ATP6V1C2: variants seen among roughly 807,000 people sequenced by gnomAD.
ATP6V1C2 encodes V-type proton ATPase subunit C 2.
Under a neutral mutation model 56.8 loss-of-function variants are expected in ATP6V1C2, and 45 were observed. That is an observed-to-expected ratio of 0.79 (90% confidence interval 0.62 to 1.02). The LOEUF is 1.02. ATP6V1C2 is among the 50% of genes least tolerant of loss of function. The probability of loss-of-function intolerance (pLI) is 0.00; values close to 1 mark genes in which losing one functional copy is unlikely to be tolerated. For synonymous variants in ATP6V1C2, 220 were observed against 201.3 expected (o/e 1.09, Z -0.79); for missense variants, 463 against 519.7 (o/e 0.89, Z 1.06).
chr2:10,730,233 A>C (rs1056221693), intron 3 of ATP6V1C2, among the ~76,000 whole-genome samples: 1 of 152,084 alleles, frequency 6.6e-6, no homozygotes, highest in Non-Finnish European at 1.5e-5. Context: ...CTCCTGCTTC[A>C]GTCTTCCAAG....
chr2:10,758,383 T>C (rs1663676833), intron 4 of ATP6V1C2, among the ~76,000 whole-genome samples: 1 of 152,196 alleles, frequency 6.6e-6, no homozygotes. Context: ...CTTCATTTGT[T>C]GAACGGGCTT....
chr2:10,783,084 C>G (rs1398869516), intron 13 of ATP6V1C2, 90 bp from the exon 14 acceptor site: 1 of 957,926 alleles, frequency 1.0e-6, no homozygotes, highest in Non-Finnish European at 1.7e-6. Flanking sequence ...AGAACGTACG[C>G]TCAGTGCCTG....
intron 3 of ATP6V1C2, among the ~76,000 whole-genome samples, chr2:10,742,173 G>A (rs1238501882): frequency 6.6e-6 from 1 of 152,174 alleles, no homozygotes; most frequent in Non-Finnish European, 1.5e-5. Flanking sequence ...GCCTCCCAAA[G>A]TGCTGGGATT....
chr2:10,746,709 C>T (rs912295871), intron 3 of ATP6V1C2, among the ~76,000 whole-genome samples: 4 of 152,080 alleles, frequency 2.6e-5, no homozygotes, highest in South Asian at 2.1e-4. Flanking sequence ...CCCGCCCAAC[C>T]GTAGTTTCTT....
At chr2:10,737,692 T>G (rs1372799494) in intron 3 of ATP6V1C2, among the ~76,000 whole-genome samples, 2 of 151,894 alleles carry the variant, frequency 1.3e-5, no homozygotes, top group Admixed American at 1.3e-4. Context: ...TGTGACAGTT[T>G]GTTTGTTTGT....
Position 10,783,972 on chromosome 2 carries a change from G to A in ATP6V1C2, c.*709G>A, listed in dbSNP as rs1665563673. 1 of 254,348 alleles carries A rather than the reference G, an allele frequency of 3.9e-6. No homozygotes were observed. 15.8% of individuals were successfully genotyped at this position (254,348 alleles called of 1,614,324 possible). A position where few individuals can be genotyped will look rare whatever the true frequency, so the allele number is the denominator to read the frequency against. Reference sequence around the variant, plus strand: ...AGAAACAGCCTCCAAGAACATTCAAGCAGCAGTCAGAGAGAAAAATGTTTC... The same window carrying A: ...AGAAACAGCCTCCAAGAACATTCAAACAGCAGTCAGAGAGAAAAATGTTTC... On this transcript the variant is annotated 3_prime_UTR_variant, in exon 14 of 14. Coordinates refer to ENST00000272238, the MANE Select transcript of ATP6V1C2 (RefSeq NM_001039362.2).
intron 3 of ATP6V1C2, among the ~76,000 whole-genome samples, chr2:10,742,808 A>G (rs993666594): frequency 1.3e-5 from 2 of 152,150 alleles, no homozygotes; most frequent in Non-Finnish European, 2.9e-5. Flanking sequence ...AAAGGAAGGA[A>G]AGGGCACGTT....
At chr2:10,759,501 C>T (rs147681879) in intron 4 of ATP6V1C2, among the ~76,000 whole-genome samples, 119 of 152,270 alleles carry the variant, frequency 7.8e-4, no homozygotes, top group African/African-American at 2.7e-3. Context: ...AGTTGCCAGC[C>T]TGTGCACAGC....
intron 10 of ATP6V1C2, among the ~76,000 whole-genome samples, chr2:10,777,165 C>G (rs1273774841): frequency 2.6e-5 from 4 of 152,202 alleles, no homozygotes; most frequent in African/African-American, 9.6e-5. Flanking sequence ...CTCTGCATGC[C>G]GAGGTGCCCC....
Position 10,764,976 on chromosome 2 carries a change from CAA to C in ATP6V1C2, c.378+563_378+564del, listed in dbSNP as rs60445006. Among the ~76,000 whole-genome samples the C allele has an allele frequency of 5.3e-3, 779 of 145,616 alleles. 2 individuals are homozygous for C. Among genetic ancestry groups the C allele is most frequent in the Admixed American group, 0.011 (164 of 14,664 alleles). Reference sequence around the variant, plus strand: ...ACAGAATGAGGTTCCGTCCCCCCACCAAAAAAAAAAAAAGTTACTGATGGTGA... The same window carrying C: ...ACAGAATGAGGTTCCGTCCCCCCACCAAAAAAAAAAAGTTACTGATGGTGA... On this transcript the variant is annotated intron_variant, in intron 5 of 13. Transcript: ENST00000272238.
chr2:10,740,822 G>A (rs1283064027), intron 3 of ATP6V1C2, among the ~76,000 whole-genome samples: 1 of 152,180 alleles, frequency 6.6e-6, no homozygotes, highest in South Asian at 2.1e-4. Context: ...AAGTAGCTGG[G>A]ATTATAGATG....
chr2:10,784,970 G>A lies in ATP6V1C2; in HGVS notation c.*1707G>A, dbSNP rs541210055. On this transcript the variant is annotated 3_prime_UTR_variant, in exon 14 of 14. Transcript: ENST00000272238. ...TGCCGTCCCAAGGCTCTCTCTCAAC[G>A]ATGGTAGGGAAAGCCCCGCCTCCTA... The A allele has an allele frequency of 1.9e-5, 30 of 1,592,658 alleles. No homozygotes were observed. The East Asian group carries it at 3.4e-4, about 18-fold the overall frequency.
intron 12 of ATP6V1C2, among the ~76,000 whole-genome samples, chr2:10,781,047 G>T (rs1417598273): frequency 6.6e-6 from 1 of 152,106 alleles, no homozygotes; most frequent in African/African-American, 2.4e-5. Context: ...CACCCGGCAT[G>T]GTGTCTTGTT....
chr2:10,767,838 TTTTATC>T (rs1211888108), intron 5 of ATP6V1C2: 1 of 152,226 alleles, frequency 6.6e-6, no homozygotes, highest in Non-Finnish European at 1.5e-5. Flanking sequence ...TATTTTATGA[TTTTATC>T]TTTAAAATAA....
rs138440744 is a variant in ATP6V1C2, at chr2:10,777,781, C to T, written c.963+59C>T. Reference sequence around the variant, plus strand: ...GCTCACATCTCCTCGCCAGCTCAGGCGCCTTCTGGGAAAATGAATCCTTGC... The same window carrying T: ...GCTCACATCTCCTCGCCAGCTCAGGTGCCTTCTGGGAAAATGAATCCTTGC... On this transcript the variant is annotated intron_variant, in intron 11 of 13. Coordinates refer to ENST00000272238, the MANE Select transcript of ATP6V1C2 (RefSeq NM_001039362.2). 6.6e-5 allele frequency: 102 copies of T among 1,548,642 alleles called. No individual in the cohort carries two copies. In the African/African-American group the frequency reaches 7.1e-4, roughly 11 times the overall value.
chr2:10,771,372 C>T (rs1664586360), intron 6 of ATP6V1C2, among the ~76,000 whole-genome samples: 1 of 152,208 alleles, frequency 6.6e-6, no homozygotes, highest in South Asian at 2.1e-4. Flanking sequence ...GGTGAGTGTC[C>T]CCTGGGTGCT....
chr2:10,755,680 C>G (rs886151311), intron 4 of ATP6V1C2, among the ~76,000 whole-genome samples: 1 of 152,218 alleles, frequency 6.6e-6, no homozygotes, highest in Non-Finnish European at 1.5e-5. Context: ...CCACTCTCCC[C>G]ACCTGGGCAA....
intron 12 of ATP6V1C2, among the ~76,000 whole-genome samples, chr2:10,779,389 G>A (rs1433203781): frequency 1.4e-5 from 2 of 146,388 alleles, no homozygotes; most frequent in African/African-American, 2.5e-5. Context: ...GATTACAGGC[G>A]CGAGCCACCA....
intron 3 of ATP6V1C2, among the ~76,000 whole-genome samples, chr2:10,737,639 A>G (rs759465656): frequency 6.6e-6 from 1 of 152,120 alleles, no homozygotes; most frequent in Non-Finnish European, 1.5e-5. Flanking sequence ...TCATGTTTTT[A>G]TACTTTAGGC....
Sources: gnomAD v4.1 joint callset for allele counts (sites outside exome capture counted in the v4.1 genomes callset) on GRCh38, gnomAD v4.1.1 for gene constraint, MANE v1.5 for transcripts, NCBI Gene and HGNC (gene_info 2026-07-23, HGNC 2026-07-21) for gene names.